The following PRAME variants were observed in gnomAD, a reference collection of about 807,000 sequenced individuals.
PRAME encodes the protein PRAME nuclear receptor transcriptional regulator, also known as melanoma antigen preferentially expressed in tumors.
A neutral mutation model predicts 32.1 loss-of-function variants in PRAME; 21 were observed. The ratio of observed to expected loss-of-function variants is 0.65; its 90% CI spans 0.46 to 0.94. PRAME has a LOEUF of 0.94. Among genes scored for constraint, PRAME ranks in the 40% least tolerant of loss-of-function variants. The pLI is 0.00. For missense variants in PRAME, 651 were observed against 622.3 expected (o/e 1.05, Z -0.49); for synonymous variants, 274 against 251.5 (o/e 1.09, Z -0.85).
At chr22:22,555,143 G>C (rs982488711) in intron 3 of PRAME, among the ~76,000 whole-genome samples, 1 of 152,012 alleles carries the variant, frequency 6.6e-6, no homozygotes, top group Non-Finnish European at 1.5e-5. Context: ...CTGTCTACTG[G>C]TTCTTATGGT....
chr22:22,557,550 T>TAA lies in PRAME; in HGVS notation c.-84_-83insTT, dbSNP rs2063004644. On this transcript the variant is annotated 5_prime_UTR_variant, in exon 2 of 6. Transcript: ENST00000405655. Reference sequence around the variant, plus strand: ...GAATCAGGGCTCGAACTTACGTTTTTCCTCAGAGAGTTCACCACACCGCGA... The same window carrying TAA: ...GAATCAGGGCTCGAACTTACGTTTTTAACCTCAGAGAGTTCACCACACCGCGA... 6.7e-6 allele frequency: 1 copy of TAA among 149,900 alleles called. No individual in the cohort carries two copies. Among genetic ancestry groups the TAA allele is most frequent in the Admixed American group, 6.6e-5 (1 of 15,070 alleles). 9.3% of individuals were successfully genotyped at this position (149,900 alleles called of 1,614,324 possible).
intron 2 of PRAME, 174 bp from the exon 3 acceptor site, chr22:22,557,083 T>A: frequency 1.7e-6 from 1 of 575,500 alleles, no homozygotes; most frequent in East Asian, 3.0e-5. Context: ...CAGTGTTTCC[T>A]GGGCTGAACC....
At position 22,548,142 on chromosome 22, in the gene PRAME, G is replaced by C. The variant is rs770754123; in HGVS notation, c.1455C>G (p.Asn485Lys). The C allele has an allele frequency of 5.0e-6, 8 of 1,613,818 alleles. No individual in the cohort carries two copies. Among genetic ancestry groups the C allele is most frequent in the Non-Finnish European group, 6.8e-6 (8 of 1,179,960 alleles). Residue 485 changes from asparagine to lysine, a missense_variant, in exon 6 of 6, where the codon AAC becomes AAG. Coordinates refer to ENST00000405655, the MANE Select transcript of PRAME (RefSeq NM_206956.3). Reference protein sequence around the residue: ...GRPSMVWLSANPCPHCGDRTF... With the variant: ...GRPSMVWLSAKPCPHCGDRTF... ...TTCTGTCCCCACAGTGAGGACAGGG[G>C]TTGGCACTAAGCCAGACCATGCTGG...
chr22:22,555,834 AC>A (rs2062873990), intron 3 of PRAME: 1 of 468,078 alleles, frequency 2.1e-6, no homozygotes, highest in African/African-American at 2.0e-5. Context: ...ACCGACACTT[AC>A]CCCTAATGGC....
intron 4 of PRAME, 108 bp downstream of exon 4, chr22:22,550,659 A>G (rs2062511405): frequency 7.7e-7 from 1 of 1,291,472 alleles, no homozygotes; most frequent in Non-Finnish European, 1.1e-6. Flanking sequence ...CCTTGCTGGC[A>G]ACCATCAGAG....
Position 22,548,279 on chromosome 22 carries a change from G to A in PRAME, c.1318C>T (p.Leu440=). ...LIGLSNLTHV[L]YPVPLESYED... is the part of the protein sequence containing the mutation. The stretch of plus-strand genomic sequence containing the variant: ...TAACTCTCCAGGGGGACAGGATACA[G>A]CACGTGGGTCAGATTGCTCAGCCCG... Residue 440 remains leucine (L), a synonymous_variant, in exon 6 of 6, where the codon CTG becomes TTG. Transcript: ENST00000405655. 1 of 1,613,848 alleles carries A rather than the reference G, an allele frequency of 6.2e-7. No homozygotes were observed. The highest frequency in any genetic ancestry group is 8.5e-7 in the Non-Finnish European group (1 of 1,179,952).
rs780407405 is a variant in PRAME at position 22,550,350 on chromosome 22, G to A, written c.345-16C>T. 1 of 1,607,760 alleles carries A rather than the reference G, an allele frequency of 6.2e-7. No homozygotes were observed. Among genetic ancestry groups the A allele is most frequent in the Non-Finnish European group, 8.5e-7 (1 of 1,178,186 alleles). The stretch of plus-strand genomic sequence containing the variant: ...TTTCCACCTCCTGTGGGGAAAAACA[G>A]GTAATTAGCTGAGATGATGCTTTAA... On this transcript the variant is annotated splice_polypyrimidine_tract_variant and intron_variant, in intron 4 of 5. Coordinates refer to ENST00000405655, the MANE Select transcript of PRAME (RefSeq NM_206956.3).
chr22:22,556,218 G>A (rs527610564), intron 3 of PRAME, among the ~76,000 whole-genome samples: 46 of 151,696 alleles, frequency 3.0e-4, no homozygotes, highest in African/African-American at 1.1e-3. Context: ...GGCCAGGCTA[G>A]TCTCGAACTC....
intron 3 of PRAME, among the ~76,000 whole-genome samples, chr22:22,555,051 G>A (rs573233996): frequency 6.6e-6 from 1 of 152,124 alleles, no homozygotes; most frequent in African/African-American, 2.4e-5. Context: ...CTTCCTCCCA[G>A]TATAAGGGAG....
rs1129172 is a variant in PRAME, at chr22:22,556,814, A to G, written c.19T>C (p.Trp7Arg). The G allele has an allele frequency of 0.61, 983,196 of 1,612,068 alleles. 303,334 individuals carry two copies. The highest frequency in any genetic ancestry group is 0.76 in the East Asian group (34,011 of 44,740). The change falls in exon 3 of 6, where the codon TGG (tryptophan) becomes CGG (arginine). Residue 7 changes from tryptophan (W) to arginine (R), a missense_variant and splice_region_variant. Physicochemically the swap from Trp to Arg is moderately radical, Grantham distance 101. Transcript: ENST00000405655. Reference protein sequence around the residue: MERRRLWGSIQSRYISM... With the variant: MERRRLRGSIQSRYISM... ...GACAGCTCAGGGGACCTTCTTACCC[A>G]CAAACGCCTTCGTTCCATTTTGAAG...
chr22:22,556,568 C>T (rs2062935105), intron 3 of PRAME, among the ~76,000 whole-genome samples: 2 of 151,878 alleles, frequency 1.3e-5, no homozygotes, highest in Admixed American at 1.3e-4. Context: ...GCCTCAGCCT[C>T]CCAAAGTGCT....
intron 1 of PRAME, among the ~76,000 whole-genome samples, chr22:22,558,414 G>A (rs1313405637): frequency 2.7e-5 from 1 of 37,116 alleles, no homozygotes. Context: ...GCGGGAATGG[G>A]GGAAGGGAAA....
chr22:22,557,273 A>T (rs2062986839), intron 2 of PRAME: 1 of 232,242 alleles, frequency 4.3e-6, no homozygotes, highest in Non-Finnish European at 8.8e-6. Context: ...GTCCCAGAGC[A>T]TCCACCGCAT....
Position 22,556,840 on chromosome 22 carries a change from C to T in PRAME, c.-8G>A, listed in dbSNP as rs752793340. The T allele has an allele frequency of 2.1e-5, 34 of 1,612,766 alleles. No individual in the cohort carries two copies. In the East Asian group the frequency reaches 5.4e-4, roughly 25 times the overall value. Reference sequence around the variant, plus strand: ...CAAACGCCTTCGTTCCATTTTGAAGCGACTTAGGCTGGCCTCAGGACCTCC... The same window carrying T: ...CAAACGCCTTCGTTCCATTTTGAAGTGACTTAGGCTGGCCTCAGGACCTCC... On this transcript the variant is annotated 5_prime_UTR_variant, in exon 3 of 6. Coordinates refer to ENST00000405655, the MANE Select transcript of PRAME (RefSeq NM_206956.3).
chr22:22,548,430 C>G lies in PRAME; in HGVS notation c.1167G>C (p.Gly389=). The G allele has an allele frequency of 6.2e-7, 1 of 1,613,582 alleles. No homozygotes were observed. Among genetic ancestry groups the G allele is most frequent in the Non-Finnish European group, 8.5e-7 (1 of 1,179,936 alleles). Residue 389 remains glycine, a synonymous_variant, in exon 6 of 6, where the codon GGG becomes GGC. Coordinates refer to ENST00000405655, the MANE Select transcript of PRAME (RefSeq NM_206956.3). ...TLQDLVFDEC[G]ITDDQLLALL... Reference sequence around the variant, plus strand: ...GGGCAAGGAGCTGATCATCCGTGATCCCACACTCATCAAAGACCAGGTCCT... The same window carrying G: ...GGGCAAGGAGCTGATCATCCGTGATGCCACACTCATCAAAGACCAGGTCCT...
At chr22:22,550,663 A>G in intron 4 of PRAME, 104 bp downstream of exon 4, 6 of 1,320,026 alleles carry the variant, frequency 4.5e-6, no homozygotes, top group South Asian at 1.4e-5. Context: ...GCTGGCAACC[A>G]TCAGAGCCTC....
chr22:22,552,495 A>C (rs1204147515), intron 3 of PRAME, among the ~76,000 whole-genome samples: 1 of 151,896 alleles, frequency 6.6e-6, no homozygotes, highest in African/African-American at 2.4e-5. Context: ...TATAAATAAT[A>C]AATGTTCCAG....
At chr22:22,555,150 T>C (rs1048934355) in intron 3 of PRAME, among the ~76,000 whole-genome samples, 1 of 152,032 alleles carries the variant, frequency 6.6e-6, no homozygotes, top group Admixed American at 6.6e-5. Flanking sequence ...CTGGTTCTTA[T>C]GGTCCTTGTG....
chr22:22,553,172 G>A (rs1458142361), intron 3 of PRAME, among the ~76,000 whole-genome samples: 3 of 151,880 alleles, frequency 2.0e-5, no homozygotes, highest in African/African-American at 7.3e-5. Flanking sequence ...GCTTTATGAA[G>A]AGCATCATGA....
Sources: allele counts gnomAD v4.1 joint callset (sites outside exome capture counted in the v4.1 genomes callset), GRCh38; gene constraint gnomAD v4.1.1; transcripts MANE v1.5; gene names NCBI Gene and HGNC (gene_info 2026-07-23, HGNC 2026-07-21).